The following ARHGEF3 variants were observed in gnomAD, a reference collection of about 807,000 sequenced individuals.
ARHGEF3 encodes Rho guanine nucleotide exchange factor 3.
Under a neutral mutation model 63.2 loss-of-function variants are expected in ARHGEF3, and 28 were observed. The observed-to-expected ratio is 0.44, with a 90% confidence interval of 0.33 to 0.61. ARHGEF3 has a LOEUF of 0.61. Ranked by LOEUF, ARHGEF3 falls within the 20% of genes least tolerant of loss-of-function variation. ARHGEF3 has a pLI of 0.03. For synonymous variants in ARHGEF3, 266 were observed against 254.2 expected (o/e 1.05, Z -0.44); for missense variants, 533 against 659.3 (o/e 0.81, Z 2.10).
intron 2 of ARHGEF3, among the ~76,000 whole-genome samples, chr3:56,984,845 G>A (rs984590042): frequency 2.0e-5 from 3 of 152,144 alleles, no homozygotes; most frequent in Admixed American, 2.0e-4. Context: ...AGGGGAGCCC[G>A]GCCTTGGACA....
At chr3:56,799,299 G>A (rs1306492502) in intron 1 of ARHGEF3, among the ~76,000 whole-genome samples, 1 of 152,172 alleles carries the variant, frequency 6.6e-6, no homozygotes. Context: ...ACTTCCCAGT[G>A]CCATGCTGTG....
chr3:56,802,407 T>G (rs17057326), upstream of ARHGEF3, among the ~76,000 whole-genome samples: 41,624 of 151,782 alleles, frequency 0.27, 8,774 homozygotes, highest in East Asian at 0.65. Context: ...CCACTGCACG[T>G]TTTTTTTGTT....
At chr3:56,748,549 ATT>A (rs71072193) in intron 6 of ARHGEF3, among the ~76,000 whole-genome samples, 64,940 of 136,474 alleles carry the variant, frequency 0.48, 15,229 homozygotes, top group East Asian at 0.74. Context: ...GAAAAAATCT[ATT>A]TTTTTTTTTT....
chr3:57,066,956 C>T (rs1165915499), intron 1 of ARHGEF3, among the ~76,000 whole-genome samples: 4 of 152,130 alleles, frequency 2.6e-5, no homozygotes, highest in African/African-American at 9.7e-5. Context: ...AAAAATCAAC[C>T]TCTCAATAGA....
chr3:56,841,797 A>G (rs915684715), intron 4 of ARHGEF3, among the ~76,000 whole-genome samples: 1 of 152,092 alleles, frequency 6.6e-6, no homozygotes, highest in Admixed American at 6.6e-5. Context: ...TAAAAAGAGG[A>G]CCAAAAAGTG....
At chr3:56,773,291 T>C (rs541298958) in intron 2 of ARHGEF3, among the ~76,000 whole-genome samples, 1 of 152,324 alleles carries the variant, frequency 6.6e-6, no homozygotes, top group Non-Finnish European at 1.5e-5. Context: ...GCTTAGCTTG[T>C]GAGCCATAAA....
At chr3:56,877,519 G>GCATCA (rs1299789638) in intron 4 of ARHGEF3, among the ~76,000 whole-genome samples, 2 of 151,838 alleles carry the variant, frequency 1.3e-5, no homozygotes, top group Non-Finnish European at 2.9e-5. Flanking sequence ...CTACAGCCAT[G>GCATCA]CATCACCATA....
At chr3:56,908,419 G>A (rs545260171) in intron 3 of ARHGEF3, among the ~76,000 whole-genome samples, 1 of 152,288 alleles carries the variant, frequency 6.6e-6, no homozygotes. Flanking sequence ...CACAGCTCTG[G>A]GCAAGAACTG....
chr3:56,992,024 CTGTGTGTG>C (rs58860849), intron 2 of ARHGEF3, among the ~76,000 whole-genome samples: 2,300 of 131,698 alleles, frequency 0.017, 72 homozygotes, highest in African/African-American at 0.06. Flanking sequence ...CCTCCTCTCT[CTGTGTGTG>C]TGTGTGTGTG....
intron 4 of ARHGEF3, among the ~76,000 whole-genome samples, chr3:56,878,312 C>T (rs2040656154): frequency 6.6e-6 from 1 of 152,176 alleles, no homozygotes; most frequent in Admixed American, 6.5e-5. Flanking sequence ...TCGTAGGTGG[C>T]TGCTGGGAGC....
chr3:56,769,238 G>A (rs2035878518), intron 2 of ARHGEF3, among the ~76,000 whole-genome samples: 1 of 152,212 alleles, frequency 6.6e-6, no homozygotes, highest in South Asian at 2.1e-4. Flanking sequence ...GCCGTGAACA[G>A]CTGTGGACAG....
intron 2 of ARHGEF3, among the ~76,000 whole-genome samples, chr3:56,981,710 A>G (rs1701334451): frequency 6.6e-6 from 1 of 152,208 alleles, no homozygotes; most frequent in East Asian, 1.9e-4. Context: ...GAGCACTAAG[A>G]CCTGGCCAAG....
chr3:56,923,044 ATATATATATATATATATATATATATAT>A (rs2042184781), intron 3 of ARHGEF3, among the ~76,000 whole-genome samples: 1 of 12,732 alleles, frequency 7.9e-5, no homozygotes, highest in Non-Finnish European at 2.3e-4. Context: ...ATATATATAT[ATATATATATATATATATATATATATAT>A]ATATAAATTA....
chr3:57,074,067 T>C (rs1706085932), intron 1 of ARHGEF3: 1 of 1,614,070 alleles, frequency 6.2e-7, no homozygotes, highest in Admixed American at 1.7e-5. Flanking sequence ...TATTCATAAC[T>C]CTACACCTCA....
chr3:56,807,810 C>T (rs34244491), intron 4 of ARHGEF3, among the ~76,000 whole-genome samples: 8,167 of 152,246 alleles, frequency 0.054, 300 homozygotes, highest in Middle Eastern at 0.12. Context: ...TGTCCACTGA[C>T]TCCAGTCTAG....
rs375556021 is a variant in ARHGEF3 at position 57,010,313 on chromosome 3, G to A, written c.62+24775C>T. ...ACTAAAAATACAAAAAAAATTAGCC[G>A]GGCGTGGTGGCGGGTGCCTGTAGTC... On this transcript the variant is annotated intron_variant, in intron 2 of 12. Coordinates refer to the ARHGEF3 transcript ENST00000338458. Among the ~76,000 whole-genome samples, 55 of 152,118 alleles carry A rather than the reference G, an allele frequency of 3.6e-4. 1 individual carries two copies. In the East Asian group the frequency reaches 7.4e-3, roughly 20 times the overall value.
At chr3:56,848,169 G>A (rs968408705) in intron 4 of ARHGEF3, among the ~76,000 whole-genome samples, 4 of 152,078 alleles carry the variant, frequency 2.6e-5, no homozygotes, top group African/African-American at 9.7e-5. Context: ...TAGGGTGTCT[G>A]GAATTTGCTT....
intron 3 of ARHGEF3, among the ~76,000 whole-genome samples, chr3:56,946,643 A>G (rs1272856379): frequency 6.6e-6 from 1 of 152,236 alleles, no homozygotes; most frequent in Admixed American, 6.5e-5. Context: ...GACCAATTCT[A>G]CGTCTGGTTG....
chr3:56,963,414 C>T (rs1279684053), intron 2 of ARHGEF3, among the ~76,000 whole-genome samples: 1 of 152,084 alleles, frequency 6.6e-6, no homozygotes, highest in Middle Eastern at 3.2e-3. Flanking sequence ...ACAAAGGCTT[C>T]AATGTGTTAT....
Sources: gnomAD v4.1 joint callset for allele counts (sites outside exome capture counted in the v4.1 genomes callset) on GRCh38, gnomAD v4.1.1 for gene constraint, MANE v1.5 for transcripts, NCBI Gene and HGNC (gene_info 2026-07-23, HGNC 2026-07-21) for gene names.